Variants in LZTFL1 observed in about 807,000 individuals in gnomAD.
LZTFL1 encodes leucine zipper transcription factor like 1.
Under a neutral mutation model 45.9 loss-of-function variants are expected in LZTFL1, and 25 were observed. That is an observed-to-expected ratio of 0.54 (90% CI 0.40 to 0.76). The LOEUF (loss-of-function observed/expected upper bound fraction) is 0.76. Ranked by LOEUF, LZTFL1 falls within the 30% of genes least tolerant of loss-of-function variation. The pLI is 0.00. For synonymous variants in LZTFL1, 93 were observed against 117.4 expected (o/e 0.79, Z 1.35); for missense variants, 277 against 331.1 (o/e 0.84, Z 1.27).
rs1700656597 is a variant in LZTFL1, at chr3:45,826,143, T to C, written c.*171A>G. 19 of 622,530 alleles carry C rather than the reference T, an allele frequency of 3.1e-5. No individual in the cohort carries two copies. In the South Asian group the frequency reaches 3.9e-4, roughly 13 times the overall value. 38.6% of individuals were successfully genotyped at this position (622,530 alleles called of 1,614,324 possible). The stretch of plus-strand genomic sequence containing the variant: ...GGATGACCAGACAGAATCACTAGGT[T>C]TTCTCTGTTTTCAACTAGCTGAAAA... On this transcript the variant is annotated 3_prime_UTR_variant, in exon 10 of 10. Coordinates refer to ENST00000296135, the MANE Select transcript of LZTFL1 (RefSeq NM_020347.4).
chr3:45,892,769 T>C lies in LZTFL1; in HGVS notation c.-215+20351A>G, dbSNP rs531854101. Reference sequence around the variant, plus strand: ...CCAAAACAAAAAAAACCCACGTGGGTCCGTAGTGATCTCTCAAGTTGGCTA... The same window carrying C: ...CCAAAACAAAAAAAACCCACGTGGGCCCGTAGTGATCTCTCAAGTTGGCTA... On this transcript the variant is annotated intron_variant, in intron 2 of 4. Coordinates refer to the LZTFL1 transcript ENST00000472635. Among the ~76,000 whole-genome samples, 11 of 151,708 alleles carry C rather than the reference T, an allele frequency of 7.3e-5. No individual in the cohort carries two copies. In the South Asian group the frequency reaches 1.9e-3, roughly 26 times the overall value.
chr3:45,892,097 G>C (rs993372551), intron 2 of LZTFL1, among the ~76,000 whole-genome samples: 40 of 152,250 alleles, frequency 2.6e-4, no homozygotes, highest in Non-Finnish European at 5.4e-4. Context: ...CAAGATCAGG[G>C]CACTAGGTGC....
intron 2 of LZTFL1, among the ~76,000 whole-genome samples, chr3:45,875,741 G>A (rs1258463586): frequency 6.6e-6 from 1 of 152,206 alleles, no homozygotes; most frequent in East Asian, 1.9e-4. Flanking sequence ...AAGATCAAAC[G>A]TGAAAATTAT....
At chr3:45,877,232 C>CTTTTT (rs565054826) in intron 2 of LZTFL1, among the ~76,000 whole-genome samples, 1 of 139,090 alleles carries the variant, frequency 7.2e-6, no homozygotes, top group African/African-American at 2.6e-5. Flanking sequence ...ACAAGCATCT[C>CTTTTT]TTTTTTTTTT....
At chr3:45,869,016 A>G (rs1386531566) in intron 2 of LZTFL1, among the ~76,000 whole-genome samples, 2 of 152,200 alleles carry the variant, frequency 1.3e-5, no homozygotes, top group African/African-American at 4.8e-5. Context: ...GAGCATTCCC[A>G]CAAAGTCAGA....
Position 45,864,490 on chromosome 3 carries a change from C to A in LZTFL1, c.-214-5474G>T, listed in dbSNP as rs368752316. Among the ~76,000 whole-genome samples the A allele has an allele frequency of 7.5e-4, 114 of 152,216 alleles. 3 individuals are homozygous for A. The South Asian group carries it at 0.022, about 30-fold the overall frequency. ...GTCCATATCTGAAATATTATGAAGT[C>A]ATTAACAATTAAGATGTGGATTTAA... On this transcript the variant is annotated intron_variant, in intron 2 of 4. Coordinates refer to the LZTFL1 transcript ENST00000472635.
chr3:45,897,651 A>G (rs1575302147), intron 2 of LZTFL1: 1 of 1,518,716 alleles, frequency 6.6e-7, no homozygotes. Flanking sequence ...AACACAGCTA[A>G]GTGATGCTGG....
intron 7 of LZTFL1, among the ~76,000 whole-genome samples, chr3:45,829,045 A>G (rs1286555693): frequency 1.3e-5 from 2 of 152,238 alleles, no homozygotes; most frequent in African/African-American, 4.8e-5. Flanking sequence ...CTTAATAGAC[A>G]TATGTTTTAG....
intron 2 of LZTFL1, among the ~76,000 whole-genome samples, chr3:45,894,733 G>C (rs1441513998): frequency 6.6e-6 from 1 of 152,142 alleles, no homozygotes; most frequent in African/African-American, 2.4e-5. Context: ...TTTCTGTGTG[G>C]ACTACTCAGA....
intron 4 of LZTFL1, 102 bp from the exon 5 acceptor site, chr3:45,833,223 A>G: frequency 1.3e-6 from 1 of 782,294 alleles, no homozygotes; most frequent in South Asian, 1.5e-5. Flanking sequence ...ATATATAAAC[A>G]TATTCACTGC....
rs1700596923 is a variant in LZTFL1 at position 45,823,675 on chromosome 3, G to A, written c.*2639C>T. 1.3e-5 allele frequency: 2 copies of A among 152,186 alleles called. No individual in the cohort carries two copies. The highest frequency in any genetic ancestry group is 4.8e-5 in the African/African-American group (2 of 41,444). 9.4% of individuals were successfully genotyped at this position (152,186 alleles called of 1,614,324 possible). A position where few individuals can be genotyped will look rare whatever the true frequency, so the allele number is the denominator to read the frequency against. On this transcript the variant is annotated 3_prime_UTR_variant, in exon 10 of 10. Coordinates refer to ENST00000296135, the MANE Select transcript of LZTFL1 (RefSeq NM_020347.4). ...CTAAATACTACTGTTTTGTCTAAAT[G>A]TGAAATATCATTTTGCTGAAATAGC...
rs1701010705 is a variant in LZTFL1 at position 45,838,048 on chromosome 3, C to T, written c.7G>A (p.Glu3Lys). MA[E>K]LGLNEHHQNE... is the part of the protein sequence containing the mutation. ...TGATGGTGCTCATTTAGGCCCAACT[C>T]TGCCTGAAAAAGAAAGAGGTAATTT... is the stretch of plus-strand genomic sequence containing the variant. Residue 3 changes from glutamate to lysine, a missense_variant, in exon 2 of 10, where the codon GAG becomes AAG. Coordinates refer to ENST00000296135, the MANE Select transcript of LZTFL1 (RefSeq NM_020347.4). 2.5e-6 allele frequency: 4 copies of T among 1,589,872 alleles called. No homozygotes were observed. The highest frequency in any genetic ancestry group is 1.2e-5 in the South Asian group (1 of 86,428).
rs1182912745 is a variant in LZTFL1, at chr3:45,828,490, T to C, written c.726A>G (p.Thr242=). 4 of 1,614,246 alleles carry C rather than the reference T, an allele frequency of 2.5e-6. No individual in the cohort carries two copies. The highest frequency in any genetic ancestry group is 1.3e-5 in the African/African-American group (1 of 75,060). The change falls in exon 8 of 10, where the codon ACA becomes ACG. Residue 242 remains threonine (T), a synonymous_variant. Transcript: ENST00000296135. ...NQKSLEENLA[T]AKHDLLRVQE... ...GAACCCTGAGTAGATCGTGCTTGGCTGTCGCCAGATTCTCCTCCAGTGACT... is the reference window on the plus strand; with the variant it reads ...GAACCCTGAGTAGATCGTGCTTGGCCGTCGCCAGATTCTCCTCCAGTGACT...
intron 2 of LZTFL1, among the ~76,000 whole-genome samples, chr3:45,865,166 C>T (rs1575276768): frequency 6.6e-6 from 1 of 152,238 alleles, no homozygotes; most frequent in Admixed American, 6.5e-5. Flanking sequence ...TCCTTCCCCA[C>T]AGGCAGCCTT....
chr3:45,888,643 C>T (rs1276485418), intron 2 of LZTFL1, among the ~76,000 whole-genome samples: 1 of 152,172 alleles, frequency 6.6e-6, no homozygotes, highest in African/African-American at 2.4e-5. Flanking sequence ...TCCCGACAGA[C>T]CGCTGAGATG....
chr3:45,864,942 G>A (rs1404034588), intron 2 of LZTFL1, among the ~76,000 whole-genome samples: 1 of 152,212 alleles, frequency 6.6e-6, no homozygotes, highest in Non-Finnish European at 1.5e-5. Context: ...CTTAAAGTGA[G>A]CTTCCTCACC....
chr3:45,862,067 C>G (rs1559412441), intron 2 of LZTFL1, among the ~76,000 whole-genome samples: 1 of 152,134 alleles, frequency 6.6e-6, no homozygotes, highest in Non-Finnish European at 1.5e-5. Flanking sequence ...GGTAATCAAG[C>G]TCGTTTATCA....
chr3:45,830,806 G>T (rs1206240276), intron 7 of LZTFL1, 107 bp downstream of exon 7: 1 of 907,488 alleles, frequency 1.1e-6, no homozygotes, highest in Admixed American at 2.1e-5. Context: ...TTTGTCTCAG[G>T]GAGTAGCAGG....
In LZTFL1 at chr3:45,825,127, C is replaced by T. The variant is rs1001685051; in HGVS notation, c.*1187G>A. Reference sequence around the variant, plus strand: ...AGCCCTATGCTCCAATCAGTAAACTCGTTTCTTGGAATAAAATCTTCATTT... The same window carrying T: ...AGCCCTATGCTCCAATCAGTAAACTTGTTTCTTGGAATAAAATCTTCATTT... On this transcript the variant is annotated 3_prime_UTR_variant, in exon 10 of 10. Coordinates refer to ENST00000296135, the MANE Select transcript of LZTFL1 (RefSeq NM_020347.4). 5.4e-6 allele frequency: 2 copies of T among 370,986 alleles called. No homozygotes were observed. The highest frequency in any genetic ancestry group is 2.1e-5 in the African/African-American group (1 of 48,080). The allele number at this position is 370,986 out of a possible 1,614,324, so 23.0% of individuals were successfully genotyped here. A position where few individuals can be genotyped will look rare whatever the true frequency, so the allele number is the denominator to read the frequency against.
Sources: allele counts gnomAD v4.1 joint callset (sites outside exome capture counted in the v4.1 genomes callset), GRCh38; gene constraint gnomAD v4.1.1; transcripts MANE v1.5; gene names NCBI Gene and HGNC (gene_info 2026-07-23, HGNC 2026-07-21).